Variants in ZNF366 observed in about 807,000 individuals in gnomAD.
ZNF366 encodes zinc finger protein 366.
Under a neutral mutation model 47.2 loss-of-function variants are expected in ZNF366, and 20 were observed. The observed-to-expected ratio is 0.42, with a 90% CI of 0.30 to 0.62. ZNF366 has a LOEUF of 0.62. ZNF366 is among the 20% of genes least tolerant of loss of function. The pLI is 0.16. For synonymous variants in ZNF366, 421 were observed against 395.1 expected (o/e 1.07, Z -0.78); for missense variants, 987 against 976.3 (o/e 1.01, Z -0.15).
At chr5:72,496,601 G>A (rs555088632) in intron 1 of ZNF366, among the ~76,000 whole-genome samples, 11 of 152,092 alleles carry the variant, frequency 7.2e-5, no homozygotes, top group African/African-American at 1.2e-4. Flanking sequence ...TGAACATTGC[G>A]TGCAAGTCTT....
At chr5:72,491,009 G>A (rs978615658) in intron 1 of ZNF366, among the ~76,000 whole-genome samples, 1 of 152,158 alleles carries the variant, frequency 6.6e-6, no homozygotes, top group Non-Finnish European at 1.5e-5. Flanking sequence ...AAGAAGACAG[G>A]GTCAGCTCTG....
In ZNF366 at chr5:72,461,588, T is replaced by G. The variant is rs555778479; in HGVS notation, c.-14-78A>C. 5.4e-6 allele frequency: 8 copies of G among 1,488,906 alleles called. No individual in the cohort carries two copies. In the South Asian group the frequency reaches 1.1e-4, roughly 21 times the overall value. The allele number at this position is 1,488,906 out of a possible 1,614,324, so 92.2% of individuals were successfully genotyped here. A position where few individuals can be genotyped will look rare whatever the true frequency, so the allele number is the denominator to read the frequency against. On this transcript the variant is annotated intron_variant, in intron 1 of 4. Coordinates refer to ENST00000318442, the MANE Select transcript of ZNF366 (RefSeq NM_152625.3). ...CTTTTTCCTTAAGGATTATGGCTATTTATCAGTACTAATTTATGAAGAGTA... is the reference window on the plus strand; with the variant it reads ...CTTTTTCCTTAAGGATTATGGCTATGTATCAGTACTAATTTATGAAGAGTA...
At chr5:72,449,883 A>C (rs906194573) in intron 3 of ZNF366, among the ~76,000 whole-genome samples, 2 of 152,202 alleles carry the variant, frequency 1.3e-5, no homozygotes, top group African/African-American at 4.8e-5. Flanking sequence ...AGGACAAGGC[A>C]TGTAGCGGGA....
intron 1 of ZNF366, among the ~76,000 whole-genome samples, chr5:72,491,798 C>G (rs58613505): frequency 0.028 from 4,228 of 152,212 alleles, 180 homozygotes; most frequent in African/African-American, 0.097. Flanking sequence ...TAAAGAAAAT[C>G]AATCATTTTA....
rs765000106 is a variant in ZNF366, at chr5:72,461,188, C to T, written c.309G>A (p.Glu103=). The change falls in exon 2 of 5, where the codon GAG becomes GAA. Residue 103 remains glutamate (E), a synonymous_variant. Coordinates refer to ENST00000318442, the MANE Select transcript of ZNF366 (RefSeq NM_152625.3). ...GGTTGGGAAGGCCGTGGTTTTTGTT[C>T]TCCTCTGAGTGGAGGGCGAGGGTGA... ...EEVTLALHSE[E]NKNHGLPNLP... 6.2e-7 allele frequency: 1 copy of T among 1,614,134 alleles called. No individual in the cohort carries two copies. The highest frequency in any genetic ancestry group is 2.2e-5 in the East Asian group (1 of 44,854).
chr5:72,472,277 A>G (rs897097732), intron 1 of ZNF366, among the ~76,000 whole-genome samples: 6 of 152,254 alleles, frequency 3.9e-5, no homozygotes, highest in Non-Finnish European at 7.3e-5. Context: ...TGGTTGATTT[A>G]CTGAACATGA....
chr5:72,440,716 T>C lies in ZNF366; in HGVS notation c.*3040A>G, dbSNP rs943466700. 1 of 152,222 alleles carries C rather than the reference T, an allele frequency of 6.6e-6. No individual in the cohort carries two copies. The highest frequency in any genetic ancestry group is 2.4e-5 in the African/African-American group (1 of 41,460). The allele number at this position is 152,222 out of a possible 1,614,324, so 9.4% of individuals were successfully genotyped here. On this transcript the variant is annotated 3_prime_UTR_variant, in exon 5 of 5. Coordinates refer to ENST00000318442, the MANE Select transcript of ZNF366 (RefSeq NM_152625.3). ...ATACTTTTGAGAATTAAGGTGACAC[T>C]TGAATAATTATCCTGGGACAACAGG...
At chr5:72,444,771 C>G (rs1742927756) in intron 4 of ZNF366, among the ~76,000 whole-genome samples, 1 of 151,906 alleles carries the variant, frequency 6.6e-6, no homozygotes, top group Admixed American at 6.5e-5. Context: ...TAAGTAAAAA[C>G]AAAAATATAT....
At chr5:72,473,671 G>A (rs1430182847) in intron 1 of ZNF366, among the ~76,000 whole-genome samples, 3 of 152,104 alleles carry the variant, frequency 2.0e-5, no homozygotes, top group African/African-American at 7.2e-5. Flanking sequence ...GGAAACCTTT[G>A]CTCCCTACTC....
intron 1 of ZNF366, among the ~76,000 whole-genome samples, chr5:72,462,547 C>CTTTCTTTCTTTCTTTCTTTCTTTCTTT (rs11275151): frequency 2.5e-5 from 2 of 78,916 alleles, no homozygotes; most frequent in Non-Finnish European, 4.5e-5. Flanking sequence ...TTCTTTCTTT[C>CTTTCTTTCTTTCTTTCTTTCTTTCTTT]TTTTTTTTTT....
At chr5:72,488,445 C>A (rs1743938652) in intron 1 of ZNF366, among the ~76,000 whole-genome samples, 1 of 152,032 alleles carries the variant, frequency 6.6e-6, no homozygotes, top group Non-Finnish European at 1.5e-5. Context: ...AGCAGCCTTA[C>A]CAAAGTAAGA....
intron 1 of ZNF366, among the ~76,000 whole-genome samples, chr5:72,461,813 G>A (rs1743319587): frequency 6.6e-6 from 1 of 152,142 alleles, no homozygotes. Flanking sequence ...GACTAGTTTG[G>A]GAAGAAACCT....
intron 1 of ZNF366, among the ~76,000 whole-genome samples, chr5:72,501,048 A>G (rs1372096038): frequency 2.0e-5 from 3 of 152,262 alleles, no homozygotes; most frequent in Non-Finnish European, 4.4e-5. Flanking sequence ...TCTGTTAAAC[A>G]AGGTGGTTGC....
intron 1 of ZNF366, among the ~76,000 whole-genome samples, chr5:72,479,411 AT>A (rs1743738376): frequency 6.6e-6 from 1 of 152,008 alleles, no homozygotes; most frequent in African/African-American, 2.4e-5. Flanking sequence ...TATTAAAAAA[AT>A]TAAAAAATTA....
In ZNF366 at chr5:72,461,323, T is replaced by C; in HGVS notation, c.174A>G (p.Glu58=). The C allele has an allele frequency of 6.2e-7, 1 of 1,613,780 alleles. No homozygotes were observed. Among genetic ancestry groups the C allele is most frequent in the Non-Finnish European group, 8.5e-7 (1 of 1,179,938 alleles). ...LRGPFSQFRY[E]PPPGDLDGFP... ...ACCCATCTAGGTCTCCTGGGGGAGGTTCATACCGAAACTGGGAAAATGGCC... is the reference window on the plus strand; with the variant it reads ...ACCCATCTAGGTCTCCTGGGGGAGGCTCATACCGAAACTGGGAAAATGGCC... The change falls in exon 2 of 5, where the codon GAA becomes GAG. Residue 58 remains glutamate (E), a synonymous_variant. Coordinates refer to ENST00000318442, the MANE Select transcript of ZNF366 (RefSeq NM_152625.3).
At chr5:72,499,701 A>T (rs749138622) in intron 1 of ZNF366, among the ~76,000 whole-genome samples, 4 of 152,160 alleles carry the variant, frequency 2.6e-5, no homozygotes, top group Non-Finnish European at 5.9e-5. Context: ...GTGTCGTGGG[A>T]AAGAAAATGC....
chr5:72,470,998 G>A (rs1348301362), intron 1 of ZNF366, among the ~76,000 whole-genome samples: 2 of 152,188 alleles, frequency 1.3e-5, no homozygotes, highest in African/African-American at 2.4e-5. Flanking sequence ...AGGTGACAGT[G>A]GGCAAATGCC....
intron 1 of ZNF366, among the ~76,000 whole-genome samples, chr5:72,474,582 AT>A (rs909631295): frequency 2.0e-5 from 3 of 151,954 alleles, no homozygotes; most frequent in Non-Finnish European, 2.9e-5. Context: ...TTCTATGTTA[AT>A]TTTTTTAATA....
chr5:72,465,551 C>T (rs1743412446), intron 1 of ZNF366, among the ~76,000 whole-genome samples: 1 of 152,150 alleles, frequency 6.6e-6, no homozygotes, highest in Non-Finnish European at 1.5e-5. Flanking sequence ...CACAGGCACC[C>T]ATAAAACTGA....
Sources: allele counts gnomAD v4.1 joint callset (sites outside exome capture counted in the v4.1 genomes callset), GRCh38; gene constraint gnomAD v4.1.1; transcripts MANE v1.5; gene names NCBI Gene and HGNC (gene_info 2026-07-23, HGNC 2026-07-21).